The following SLC51A variants were observed in gnomAD, a reference collection of about 807,000 sequenced individuals.
The protein encoded by SLC51A is organic solute transporter subunit alpha.
A neutral mutation model predicts 34.8 loss-of-function variants in SLC51A; 22 were observed. The ratio of observed to expected loss-of-function variants is 0.63; its 90% CI spans 0.45 to 0.90. The LOEUF is 0.90. SLC51A is among the 40% of genes least tolerant of loss of function. SLC51A has a pLI of 0.00. For synonymous variants in SLC51A, 181 were observed against 176.3 expected, an observed-to-expected ratio of 1.03 and a Z score of -0.21; for missense variants, 371 against 414.8, an observed-to-expected ratio of 0.89 and a Z score of 0.92.
intron 7 of SLC51A, 27 bp from the exon 8 acceptor site, chr3:196,232,391 AC>A (rs773515004): frequency 6.3e-7 from 1 of 1,582,250 alleles, no homozygotes; most frequent in Non-Finnish European, 8.7e-7. Context: ...GGCCCAGTCC[AC>A]CCTTGCCTCT....
chr3:196,231,266 T>TTACCC (rs1273652663), intron 7 of SLC51A, among the ~76,000 whole-genome samples: 2 of 152,202 alleles, frequency 1.3e-5, no homozygotes, highest in Non-Finnish European at 2.9e-5. Context: ...TGTCTTCTCC[T>TTACCC]TACCCTGCCC....
intron 8 of SLC51A, 31 bp downstream of exon 8, chr3:196,232,555 G>A (rs1270937801): frequency 9.7e-6 from 15 of 1,547,498 alleles, no homozygotes; most frequent in Non-Finnish European, 1.3e-5. Context: ...GTCCCATCGT[G>A]GGATGGATGA....
Position 196,228,050 on chromosome 3 carries a change from A to C in SLC51A, c.363-65A>C. ...CTAGCTCTGCTCCTCAGTAAGCCCC[A>C]CCTCTCCCTGCTGTCTTTCTCTCTG... On this transcript the variant is annotated intron_variant, in intron 4 of 8. Transcript: ENST00000296327. The surrounding 1 kb of genome is among the most constrained non-coding windows in gnomAD (Gnocchi z 4.9). 6.4e-7 allele frequency: 1 copy of C among 1,565,960 alleles called. No homozygotes were observed. The highest frequency in any genetic ancestry group is 8.7e-7 in the Non-Finnish European group (1 of 1,152,840).
chr3:196,220,152 C>T (rs991251119), intron 2 of SLC51A, among the ~76,000 whole-genome samples: 3 of 152,196 alleles, frequency 2.0e-5, no homozygotes, highest in Non-Finnish European at 2.9e-5. Flanking sequence ...AGGTGAGGCC[C>T]GCTGCGCGCC....
chr3:196,225,661 C>T (rs566715253), intron 2 of SLC51A: 7 of 152,196 alleles, frequency 4.6e-5, no homozygotes, highest in Non-Finnish European at 1.0e-4. Flanking sequence ...TTAAAACTAA[C>T]GGCTGCATTA....
chr3:196,221,319 T>A (rs948923989), intron 2 of SLC51A, among the ~76,000 whole-genome samples: 1 of 151,862 alleles, frequency 6.6e-6, no homozygotes, highest in Non-Finnish European at 1.5e-5. Context: ...CAATTTTTTT[T>A]TTTTAATTTT....
Position 196,233,347 on chromosome 3 carries a change from A to C in SLC51A, c.*148A>C. 1.1e-6 allele frequency: 1 copy of C among 905,030 alleles called. No individual in the cohort carries two copies. Among genetic ancestry groups the C allele is most frequent in the Non-Finnish European group, 1.7e-6 (1 of 600,110 alleles). The allele number at this position is 905,030 out of a possible 1,614,324, so 56.1% of individuals were successfully genotyped here. A position where few individuals can be genotyped will look rare whatever the true frequency, so the allele number is the denominator to read the frequency against. On this transcript the variant is annotated 3_prime_UTR_variant, in exon 9 of 9. Transcript: ENST00000296327. Reference sequence around the variant, plus strand: ...TTGACTCTACAGATGAAGGTGAACAATGTTAGAATAAAATTGCTTTGGATC... The same window carrying C: ...TTGACTCTACAGATGAAGGTGAACACTGTTAGAATAAAATTGCTTTGGATC...
chr3:196,227,699 C>T lies in SLC51A; in HGVS notation c.324C>T (p.Ile108=), dbSNP rs371651472. 2.4e-5 allele frequency: 38 copies of T among 1,613,800 alleles called. No individual in the cohort carries two copies. Among genetic ancestry groups the T allele is most frequent in the Non-Finnish European group, 3.2e-5 (38 of 1,179,958 alleles). Residue 108 remains isoleucine (I), a synonymous_variant, in exon 4 of 9, where the codon ATC becomes ATT. Transcript: ENST00000296327. ...TGCTGTGCTGCTTTGGTCTCTGGAT[C>T]CCTCGTTCCCTGGTGCTGGTGGAAA... ...VSVLCCFGLW[I]PRSLVLVEMT...
intron 2 of SLC51A, among the ~76,000 whole-genome samples, chr3:196,223,528 A>G (rs1472102794): frequency 6.6e-6 from 1 of 151,674 alleles, no homozygotes; most frequent in Non-Finnish European, 1.5e-5. Flanking sequence ...TGGCGTGTGA[A>G]AGGGCAGTTT....
At chr3:196,219,694 C>A (rs886629054) in intron 2 of SLC51A, among the ~76,000 whole-genome samples, 2 of 152,186 alleles carry the variant, frequency 1.3e-5, no homozygotes, top group East Asian at 1.9e-4. Flanking sequence ...AGCTGTCCCC[C>A]CAGGGAATAT....
chr3:196,220,307 A>G (rs1723717275), intron 2 of SLC51A, among the ~76,000 whole-genome samples: 1 of 152,220 alleles, frequency 6.6e-6, no homozygotes, highest in South Asian at 2.1e-4. Context: ...CTTAAGAAGC[A>G]GGGATGCGGC....
chr3:196,227,629 T>A, intron 3 of SLC51A, 35 bp from the exon 4 acceptor site: 2 of 1,605,502 alleles, frequency 1.2e-6, no homozygotes, highest in Non-Finnish European at 1.7e-6. Flanking sequence ...AGGGTCTCCC[T>A]CCCGCCCTCA....
intron 4 of SLC51A, 185 bp from the exon 5 acceptor site, chr3:196,227,930 T>C: frequency 1.0e-6 from 1 of 964,648 alleles, no homozygotes; most frequent in Non-Finnish European, 1.5e-6. Flanking sequence ...CAGCCAGCCC[T>C]CTGTTCCCAC....
intron 2 of SLC51A, among the ~76,000 whole-genome samples, chr3:196,221,594 T>C (rs1400760875): frequency 6.6e-6 from 1 of 151,792 alleles, no homozygotes; most frequent in Non-Finnish European, 1.5e-5. Context: ...GAACAAATAC[T>C]ACACGCCAGG....
At chr3:196,224,859 A>G (rs1176384362) in intron 2 of SLC51A, among the ~76,000 whole-genome samples, 1 of 151,818 alleles carries the variant, frequency 6.6e-6, no homozygotes, top group African/African-American at 2.4e-5. Flanking sequence ...ATCTTGAACT[A>G]GCCTCCAAAA....
In SLC51A at chr3:196,218,358, G is replaced by A. The variant is rs775329104; in HGVS notation, c.133+422G>A. Among the ~76,000 whole-genome samples, 13 of 152,348 alleles carry A rather than the reference G, an allele frequency of 8.5e-5. No individual in the cohort carries two copies. In the South Asian group the frequency reaches 1.0e-3, roughly 12 times the overall value. On this transcript the variant is annotated intron_variant, in intron 2 of 8. Transcript: ENST00000296327. ...CTAGAGGGTGGTTACGGTGAGTGAC[G>A]TGCTTCACACAGGTGAACCAGTTGT...
chr3:196,232,902 C>A, intron 8 of SLC51A, 161 bp from the exon 9 acceptor site: 1 of 739,428 alleles, frequency 1.4e-6, no homozygotes, highest in Non-Finnish European at 2.3e-6. Context: ...TCTGGCTCTA[C>A]CATTAACCCG....
chr3:196,216,834 C>T lies in SLC51A; in HGVS notation c.38+84C>T. On this transcript the variant is annotated intron_variant, in intron 1 of 8. Coordinates refer to ENST00000296327, the MANE Select transcript of SLC51A (RefSeq NM_152672.6). The surrounding 1 kb of genome is among the most constrained non-coding windows in gnomAD (Gnocchi z 4.5). The stretch of plus-strand genomic sequence containing the variant: ...GGCCTGTCCTCTCTCCCTCCCAGAG[C>T]CCTTTGGCGGCCGCACTCAGAATGA... The T allele has an allele frequency of 1.5e-6, 2 of 1,377,976 alleles. No homozygotes were observed. The highest frequency in any genetic ancestry group is 1.4e-5 in the African/African-American group (1 of 69,254). The allele number at this position is 1,377,976 out of a possible 1,614,324, so 85.4% of individuals were successfully genotyped here. A position where few individuals can be genotyped will look rare whatever the true frequency, so the allele number is the denominator to read the frequency against.
intron 4 of SLC51A, 140 bp downstream of exon 4, chr3:196,227,877 C>T (rs927438467): frequency 1.1e-5 from 10 of 950,796 alleles, no homozygotes; most frequent in Non-Finnish European, 1.6e-5. Flanking sequence ...GCGCTCCTGG[C>T]TCTGCTCAGG....
Sources: allele counts gnomAD v4.1 joint callset (sites outside exome capture counted in the v4.1 genomes callset), GRCh38; gene constraint gnomAD v4.1.1; non-coding constraint Gnocchi (gnomAD v3.1); transcripts MANE v1.5; gene names NCBI Gene and HGNC (gene_info 2026-07-23, HGNC 2026-07-21).